Variants in PRKN observed in about 807,000 individuals in gnomAD.
PRKN encodes E3 ubiquitin-protein ligase parkin.
A neutral mutation model predicts 59.5 loss-of-function variants in PRKN; 56 were observed. The ratio of observed to expected loss-of-function variants is 0.94; its 90% confidence interval spans 0.76 to 1.18. PRKN has a LOEUF of 1.18. Among genes scored for constraint, PRKN ranks in the 50% most tolerant of loss-of-function variants. PRKN has a pLI of 0.00. For missense variants in PRKN, 657 were observed against 596.4 expected, an observed-to-expected ratio of 1.10 and a Z score of -1.06; for synonymous variants, 250 against 222.1, an observed-to-expected ratio of 1.13 and a Z score of -1.12.
rs558811030 is a variant in PRKN, at chr6:162,644,967, T to C, written c.7+82695A>G. Among the ~76,000 whole-genome samples the C allele has an allele frequency of 8.8e-4, 134 of 152,288 alleles. 7 individuals carry two copies. In the South Asian group the frequency reaches 0.027, roughly 31 times the overall value. ...AGAGAACTTAGCATAGCTCTTAGAA[T>C]ATAGTAATAGTCATAGTTTATTGAG... On this transcript the variant is annotated intron_variant, in intron 1 of 11. Coordinates refer to ENST00000366898, the MANE Select transcript of PRKN (RefSeq NM_004562.3).
At position 162,518,977 on chromosome 6, in the gene PRKN, G is replaced by A. The variant is rs9458573; in HGVS notation, c.8-75504C>T. Among the ~76,000 whole-genome samples, 840 of 152,092 alleles carry A rather than the reference G, an allele frequency of 5.5e-3. 5 individuals are homozygous for A. Among genetic ancestry groups the A allele is most frequent in the African/African-American group, 0.019 (800 of 41,512 alleles). On this transcript the variant is annotated intron_variant, in intron 1 of 11. Transcript: ENST00000366898. Reference sequence around the variant, plus strand: ...GCCTCATTTAAAACTTACTGGCTCGGGGGCTCATGCCTTTAATCCTAGCAC... The same window carrying A: ...GCCTCATTTAAAACTTACTGGCTCGAGGGCTCATGCCTTTAATCCTAGCAC...
intron 9 of PRKN, among the ~76,000 whole-genome samples, chr6:161,455,408 T>A (rs1001228865): frequency 1.3e-5 from 2 of 152,170 alleles, no homozygotes; most frequent in Non-Finnish European, 2.9e-5. Flanking sequence ...ATTTGCTGCA[T>A]GAATGACTTG....
At position 161,360,278 on chromosome 6, in the gene PRKN, C is replaced by G. The variant is rs951686418; in HGVS notation, c.1168-73G>C. 8 of 1,204,784 alleles carry G rather than the reference C, an allele frequency of 6.6e-6. No individual in the cohort carries two copies. Among genetic ancestry groups the G allele is most frequent in the Non-Finnish European group, 9.9e-6 (8 of 806,528 alleles). 74.6% of individuals were successfully genotyped at this position (1,204,784 alleles called of 1,614,324 possible). ...GGGATCAGAGTTTATGTTCCCTGTA[C>G]GTCGGTACAGGAAATTCTTGAAGAC... On this transcript the variant is annotated intron_variant, in intron 10 of 11. Transcript: ENST00000366898. The surrounding 1 kb of genome is among the most constrained non-coding windows in gnomAD (Gnocchi z 5.1).
At chr6:162,186,717 G>C (rs1468969440) in intron 4 of PRKN, among the ~76,000 whole-genome samples, 1 of 152,182 alleles carries the variant, frequency 6.6e-6, no homozygotes, top group Admixed American at 6.6e-5. Context: ...TCTTGGGATG[G>C]TGAGTGAGCT....
intron 1 of PRKN, among the ~76,000 whole-genome samples, chr6:162,528,635 G>A (rs940066811): frequency 1.3e-5 from 2 of 152,016 alleles, no homozygotes; most frequent in African/African-American, 4.8e-5. Flanking sequence ...AATGCAAAGA[G>A]TTGATATGAA....
At chr6:162,697,349 A>T (rs2128236169) in intron 1 of PRKN, among the ~76,000 whole-genome samples, 1 of 152,304 alleles carries the variant, frequency 6.6e-6, no homozygotes, top group South Asian at 2.1e-4. Context: ...TTTTTAAATG[A>T]CATTTTAGGT....
In PRKN at chr6:161,906,815, C is replaced by T. The variant is rs763771271; in HGVS notation, c.734+66487G>A. 1.8e-4 allele frequency among the ~76,000 whole-genome samples: 28 copies of T among 151,772 alleles called. 1 individual carries two copies. The highest frequency in any genetic ancestry group is 5.9e-4 in the Admixed American group (9 of 15,218). On this transcript the variant is annotated intron_variant, in intron 6 of 11. Transcript: ENST00000366898. ...TCTGTGGTTTAAGGTCCAAAAGCCC[C>T]GAAGCTGAAGAACTTGGAGTCTGAT...
At chr6:161,948,967 C>T (rs1281368783) in intron 6 of PRKN, among the ~76,000 whole-genome samples, 1 of 152,192 alleles carries the variant, frequency 6.6e-6, no homozygotes, top group Non-Finnish European at 1.5e-5. Context: ...AAAAGCAGAG[C>T]TCTCTGATTT....
rs76808096 is a variant in PRKN, at chr6:162,466,004, G to A, written c.8-22531C>T. Among the ~76,000 whole-genome samples the A allele has an allele frequency of 5.1e-3, 777 of 152,220 alleles. 16 individuals carry two copies. The highest frequency in any genetic ancestry group is 3.2e-3 in the Non-Finnish European group (219 of 68,014). On this transcript the variant is annotated intron_variant, in intron 1 of 11. Transcript: ENST00000366898. The stretch of plus-strand genomic sequence containing the variant: ...TAAGACGACAACTCCAAATAACAAA[G>A]TGTTGAAAGAAAATATCAGAACCAC...
intron 2 of PRKN, among the ~76,000 whole-genome samples, chr6:162,442,448 G>A (rs990936592): frequency 3.3e-5 from 5 of 152,136 alleles, no homozygotes; most frequent in South Asian, 2.1e-4. Context: ...AAAGAATAGC[G>A]TCAACAAATG....
At chr6:162,401,727 A>T (rs1049011725) in intron 2 of PRKN, among the ~76,000 whole-genome samples, 5 of 152,160 alleles carry the variant, frequency 3.3e-5, no homozygotes, top group Non-Finnish European at 5.9e-5. Context: ...AATATACAAA[A>T]TTAAAATAAG....
intron 7 of PRKN, among the ~76,000 whole-genome samples, chr6:161,723,268 CAAA>C (rs922966591): frequency 1.6e-5 from 2 of 126,872 alleles, no homozygotes; most frequent in African/African-American, 2.9e-5. Flanking sequence ...GACTCCCTCT[CAAA>C]AAAAAAAAAA....
chr6:161,694,393 C>A (rs1003653987), intron 7 of PRKN, among the ~76,000 whole-genome samples: 2 of 151,890 alleles, frequency 1.3e-5, no homozygotes, highest in African/African-American at 2.4e-5. Context: ...AATTGTGGTA[C>A]AATATACATA....
intron 4 of PRKN, among the ~76,000 whole-genome samples, chr6:162,151,440 C>T (rs984578597): frequency 6.6e-6 from 1 of 152,174 alleles, no homozygotes; most frequent in Non-Finnish European, 1.5e-5. Context: ...TCTTCACCTC[C>T]CAGTCCCTTT....
chr6:162,287,054 A>G (rs1046989839), intron 2 of PRKN, among the ~76,000 whole-genome samples: 1 of 152,186 alleles, frequency 6.6e-6, no homozygotes, highest in Non-Finnish European at 1.5e-5. Flanking sequence ...CTTAAGATGA[A>G]CCCTCCAATT....
intron 1 of PRKN, among the ~76,000 whole-genome samples, chr6:162,720,098 C>A (rs1778878585): frequency 6.6e-6 from 1 of 152,118 alleles, no homozygotes; most frequent in Non-Finnish European, 1.5e-5. Context: ...GGCTTCATCA[C>A]AAGATCTTAT....
At chr6:162,168,545 A>T (rs367703701) in intron 4 of PRKN, among the ~76,000 whole-genome samples, 2 of 137,132 alleles carry the variant, frequency 1.5e-5, no homozygotes, top group Admixed American at 1.5e-4. Flanking sequence ...CCATCATTCT[A>T]ATCTGTTTTA....
At chr6:161,888,936 T>C (rs1795245972) in intron 6 of PRKN, among the ~76,000 whole-genome samples, 1 of 152,152 alleles carries the variant, frequency 6.6e-6, no homozygotes, top group Admixed American at 6.5e-5. Flanking sequence ...AAAATAAAGT[T>C]CATTACCCTA....
intron 2 of PRKN, among the ~76,000 whole-genome samples, chr6:162,293,000 G>C (rs1183757488): frequency 6.6e-6 from 1 of 152,140 alleles, no homozygotes; most frequent in Non-Finnish European, 1.5e-5. Context: ...GCAAGGAGGA[G>C]GTCAAAGAGA....
Sources: allele counts gnomAD v4.1 joint callset (sites outside exome capture counted in the v4.1 genomes callset), GRCh38; gene constraint gnomAD v4.1.1; non-coding constraint Gnocchi (gnomAD v3.1); transcripts MANE v1.5; gene names NCBI Gene and HGNC (gene_info 2026-07-23, HGNC 2026-07-21).